Variants in CEP63 observed in about 807,000 individuals in gnomAD.
CEP63 encodes the protein centrosomal protein of 63 kDa.
In CEP63, 84 loss-of-function variants were observed where a neutral mutation model predicts 89.1. The ratio of observed to expected loss-of-function variants is 0.94; its 90% confidence interval spans 0.79 to 1.13. The LOEUF is 1.13. CEP63 is among the 50% of genes most tolerant of loss of function. CEP63 has a pLI of 0.00. For synonymous variants in CEP63, 267 were observed against 272.5 expected (o/e 0.98, Z 0.20); for missense variants, 838 against 813.3 (o/e 1.03, Z -0.37).
intron 3 of CEP63, among the ~76,000 whole-genome samples, chr3:134,519,330 C>CT (rs1946926282): frequency 6.6e-6 from 1 of 150,896 alleles, no homozygotes; most frequent in Non-Finnish European, 1.5e-5. Flanking sequence ...AATGGGGTTT[C>CT]ACCATGTTGG....
At chr3:134,557,372 A>ATTTTTTTTTT (rs1488699483) in intron 12 of CEP63, among the ~76,000 whole-genome samples, 22 of 50,412 alleles carry the variant, frequency 4.4e-4, no homozygotes, top group South Asian at 1.2e-3. Flanking sequence ...TACTTTCATA[A>ATTTTTTTTTT]TTTGTTTTTT....
chr3:134,702,793 C>A, the CEP63 span, among the ~76,000 whole-genome samples: 1 of 152,006 alleles, frequency 6.6e-6, no homozygotes, highest in African/African-American at 2.4e-5. Context: ...GTCAGAATGG[C>A]CATTATCAAA....
the CEP63 span, among the ~76,000 whole-genome samples, chr3:134,686,119 A>C: frequency 6.6e-6 from 1 of 152,214 alleles, no homozygotes; most frequent in African/African-American, 2.4e-5. Context: ...GGGAAAGAGC[A>C]TGGAAAGAAC....
chr3:134,546,423 A>G (rs1953332648), intron 8 of CEP63, 135 bp downstream of exon 8: 3 of 796,866 alleles, frequency 3.8e-6, no homozygotes, highest in Admixed American at 3.1e-5. Flanking sequence ...CAGTGGTGCA[A>G]TCTCAGCTCA....
In CEP63 at chr3:134,585,013, T is replaced by C. The variant is rs186313923; in HGVS notation, c.1207-2445T>C. Among the ~76,000 whole-genome samples, 956 of 151,118 alleles carry C rather than the reference T, an allele frequency of 6.3e-3. 6 individuals are homozygous for C. Among genetic ancestry groups the C allele is most frequent in the South Asian group, 0.012 (57 of 4,722 alleles). On this transcript the variant is annotated intron_variant, in intron 10 of 10. Transcript: ENST00000683931. ...TATAGTATTCTCTCACGGTAGTTTG[T>C]ATTTCTGTGGGATTGGTGGTGATAT... is the stretch of plus-strand genomic sequence containing the variant.
chr3:134,652,148 C>T, the CEP63 span, among the ~76,000 whole-genome samples: 1 of 152,164 alleles, frequency 6.6e-6, no homozygotes, highest in African/African-American at 2.4e-5. Context: ...CAGCCATTTT[C>T]CCTCCACCTT....
upstream of CEP63, chr3:134,485,967 G>A (rs916592806): frequency 1.9e-5 from 18 of 972,524 alleles, no homozygotes; most frequent in Non-Finnish European, 2.1e-5. Flanking sequence ...CCCGGCCACC[G>A]CGGCAGACGC....
chr3:134,713,007 C>G, the CEP63 span, among the ~76,000 whole-genome samples: 1 of 152,142 alleles, frequency 6.6e-6, no homozygotes, highest in African/African-American at 2.4e-5. Flanking sequence ...AGTTTTCTGT[C>G]TATGCAACAT....
the CEP63 span, among the ~76,000 whole-genome samples, chr3:134,670,792 A>G: frequency 6.6e-6 from 1 of 152,234 alleles, no homozygotes; most frequent in Non-Finnish European, 1.5e-5. Flanking sequence ...GGCAGGAGGT[A>G]TTGTATAAAT....
chr3:134,624,999 A>C, the CEP63 span: 1 of 1,492,160 alleles, frequency 6.7e-7, no homozygotes, highest in Non-Finnish European at 9.2e-7. Context: ...TTGCTGCCCT[A>C]GAACTCTAAG....
Position 134,561,634 on chromosome 3 carries a change from A to G in CEP63, c.*99A>G. ...TTTAAAAACATGAAGAGATAAAATT[A>G]TAAAAATGATACATCTAAAGCAGTG... On this transcript the variant is annotated 3_prime_UTR_variant, in exon 15 of 15. Coordinates refer to ENST00000675561, the MANE Select transcript of CEP63 (RefSeq NM_001353108.3). 2.0e-6 allele frequency: 3 copies of G among 1,527,316 alleles called. No individual in the cohort carries two copies. The highest frequency in any genetic ancestry group is 1.3e-5 in the South Asian group (1 of 79,722). 94.6% of individuals were successfully genotyped at this position (1,527,316 alleles called of 1,614,324 possible). A position where few individuals can be genotyped will look rare whatever the true frequency, so the allele number is the denominator to read the frequency against.
chr3:134,490,273 C>T (rs1362604234), intron 1 of CEP63, among the ~76,000 whole-genome samples: 2 of 152,052 alleles, frequency 1.3e-5, no homozygotes. Context: ...AGTTTTTTCA[C>T]ACGTTGGATT....
At chr3:134,551,724 CAT>C (rs71139540) in intron 11 of CEP63, among the ~76,000 whole-genome samples, 200 bp from the exon 12 acceptor site, 1,229 of 81,512 alleles carry the variant, frequency 0.015, 8 homozygotes, top group South Asian at 0.035. Flanking sequence ...TTAGAAAGTC[CAT>C]ATATATATAT....
rs754672574 is a variant in CEP63, at chr3:134,545,733, A to T, written c.703A>T (p.Asn235Tyr). The T allele has an allele frequency of 1.9e-6, 3 of 1,614,070 alleles. No individual in the cohort carries two copies. The highest frequency in any genetic ancestry group is 1.1e-5 in the South Asian group (1 of 91,094). The change falls in exon 7 of 15, where the codon AAT becomes TAT. Residue 235 changes from asparagine (N) to tyrosine (Y), a missense_variant. Asn to Tyr is a moderately radical substitution (Grantham distance 143). Transcript: ENST00000675561. ...AATAGAGCGCCTCACCATGAGGGTC[A>T]ATGACTTGGTTGGAACCAGTATGAC... ...LEIERLTMRV[N>Y]DLVGTSMTVL... is the part of the protein sequence containing the mutation.
At chr3:134,499,892 T>C (rs998117313) in intron 2 of CEP63, among the ~76,000 whole-genome samples, 16 of 148,106 alleles carry the variant, frequency 1.1e-4, no homozygotes, top group Non-Finnish European at 2.1e-4. Context: ...AGCATGATCT[T>C]GGCTCACTGC....
chr3:134,685,069 A>G, the CEP63 span, among the ~76,000 whole-genome samples: 1 of 152,210 alleles, frequency 6.6e-6, no homozygotes, highest in Non-Finnish European at 1.5e-5. Flanking sequence ...ATGTTCTAAC[A>G]TAAATATTTT....
chr3:134,600,868 T>C, the CEP63 span: 1 of 152,256 alleles, frequency 6.6e-6, no homozygotes, highest in African/African-American at 2.4e-5. Context: ...ATGTCCTCCG[T>C]GTACACATAA....
the CEP63 span, among the ~76,000 whole-genome samples, chr3:134,713,988 C>T: frequency 6.6e-6 from 1 of 152,190 alleles, no homozygotes; most frequent in East Asian, 1.9e-4. Context: ...GCCACAGCAG[C>T]CTCAAGCTGT....
chr3:134,657,271 C>T, the CEP63 span, among the ~76,000 whole-genome samples: 1 of 152,232 alleles, frequency 6.6e-6, no homozygotes, highest in Non-Finnish European at 1.5e-5. Flanking sequence ...ATGGGAAAGA[C>T]TGGCCCCCAT....
Sources: gnomAD v4.1 joint callset for allele counts (sites outside exome capture counted in the v4.1 genomes callset) on GRCh38, gnomAD v4.1.1 for gene constraint, MANE v1.5 for transcripts, NCBI Gene and HGNC (gene_info 2026-07-23, HGNC 2026-07-21) for gene names.